The following TAFA1 variants were observed in gnomAD, a reference collection of about 807,000 sequenced individuals.
TAFA1 encodes chemokine-like protein TAFA-1.
In TAFA1, 4 loss-of-function variants were observed where a neutral mutation model predicts 18.5. The observed-to-expected ratio is 0.22, with a 90% CI of 0.11 to 0.49. The LOEUF (loss-of-function observed/expected upper bound fraction) is 0.49, where lower values mean the gene tolerates loss of function less well. Ranked by LOEUF, TAFA1 falls within the 20% of genes least tolerant of loss-of-function variation. TAFA1 has a pLI of 0.98. For missense variants in TAFA1, 147 were observed against 169.0 expected, an observed-to-expected ratio of 0.87 and a Z score of 0.72; for synonymous variants, 56 against 55.2, an observed-to-expected ratio of 1.01 and a Z score of -0.06.
intron 2 of TAFA1, among the ~76,000 whole-genome samples, chr3:68,076,183 T>C (rs2106760635): frequency 6.6e-6 from 1 of 152,212 alleles, no homozygotes; most frequent in East Asian, 1.9e-4. Flanking sequence ...ACTTGTGGTG[T>C]AGTGGTCTTT....
chr3:68,293,124 C>G (rs145521116), intron 2 of TAFA1, among the ~76,000 whole-genome samples: 1 of 152,146 alleles, frequency 6.6e-6, no homozygotes, highest in African/African-American at 2.4e-5. Flanking sequence ...CCTCTGTAAA[C>G]CAAAGGTGTC....
At chr3:68,085,253 C>A (rs1445126537) in intron 2 of TAFA1, among the ~76,000 whole-genome samples, 1 of 152,176 alleles carries the variant, frequency 6.6e-6, no homozygotes, top group Non-Finnish European at 1.5e-5. Context: ...TTAAAGAAAT[C>A]TGGAGACATT....
At chr3:68,248,757 G>T (rs1433798935) in intron 2 of TAFA1, among the ~76,000 whole-genome samples, 2 of 144,338 alleles carry the variant, frequency 1.4e-5, no homozygotes, top group African/African-American at 5.1e-5. Flanking sequence ...GGCTGGGGGT[G>T]GGGTAGGGAG....
At chr3:68,175,971 C>A (rs2066119722) in intron 2 of TAFA1, among the ~76,000 whole-genome samples, 1 of 152,152 alleles carries the variant, frequency 6.6e-6, no homozygotes, top group South Asian at 2.1e-4. Flanking sequence ...ATATGTCTCA[C>A]AAGACCTGGT....
chr3:68,058,436 T>C (rs2064561693), intron 2 of TAFA1, among the ~76,000 whole-genome samples: 1 of 152,176 alleles, frequency 6.6e-6, no homozygotes, highest in Non-Finnish European at 1.5e-5. Context: ...TTCTCACATA[T>C]GGGTGTTTAA....
At chr3:68,113,409 C>G (rs534930221) in intron 2 of TAFA1, among the ~76,000 whole-genome samples, 32 of 152,112 alleles carry the variant, frequency 2.1e-4, no homozygotes, top group African/African-American at 7.7e-4. Context: ...TTACAAAAAT[C>G]AAATCCAGGT....
At chr3:68,253,282 G>A (rs770972403) in intron 2 of TAFA1, among the ~76,000 whole-genome samples, 3 of 152,146 alleles carry the variant, frequency 2.0e-5, no homozygotes, top group Non-Finnish European at 4.4e-5. Flanking sequence ...AGGTAAGTTG[G>A]TATACTTGTC....
chr3:68,108,740 CAAAAT>C (rs1378653675), intron 2 of TAFA1, among the ~76,000 whole-genome samples: 1 of 151,908 alleles, frequency 6.6e-6, no homozygotes, highest in Non-Finnish European at 1.5e-5. Context: ...ATGTTCAAAA[CAAAAT>C]AGAATATGAT....
At chr3:68,168,905 C>A (rs2066017646) in intron 2 of TAFA1, among the ~76,000 whole-genome samples, 1 of 152,112 alleles carries the variant, frequency 6.6e-6, no homozygotes, top group African/African-American at 2.4e-5. Context: ...AGTATATTGT[C>A]TTTCTTTCAT....
At position 68,450,634 on chromosome 3, in the gene TAFA1, A is replaced by C. The variant is rs542487456; in HGVS notation, c.259+33214A>C. On this transcript the variant is annotated intron_variant, in intron 3 of 4. Transcript: ENST00000478136. ...GATGAAGGTGTTATGGAGACCAAGGAAGTAGATTTTTAAGAAGTATTAAAT... is the reference window on the plus strand; with the variant it reads ...GATGAAGGTGTTATGGAGACCAAGGCAGTAGATTTTTAAGAAGTATTAAAT... Among the ~76,000 whole-genome samples, 9 of 152,334 alleles carry C rather than the reference A, an allele frequency of 5.9e-5. No individual in the cohort carries two copies. The South Asian group carries it at 1.7e-3, about 28-fold the overall frequency.
intron 2 of TAFA1, among the ~76,000 whole-genome samples, chr3:68,112,456 A>G (rs1184277796): frequency 6.6e-6 from 1 of 152,224 alleles, no homozygotes; most frequent in Non-Finnish European, 1.5e-5. Context: ...AAAAGTTCTT[A>G]CTAATCAACA....
At chr3:68,159,377 G>A (rs1417522338) in intron 2 of TAFA1, among the ~76,000 whole-genome samples, 5 of 152,054 alleles carry the variant, frequency 3.3e-5, no homozygotes, top group South Asian at 2.1e-4. Flanking sequence ...ATAGTTCTTC[G>A]TGGTATTAAC....
intron 2 of TAFA1, among the ~76,000 whole-genome samples, chr3:68,294,458 A>T (rs748983036): frequency 1.8e-4 from 28 of 152,350 alleles, no homozygotes; most frequent in Non-Finnish European, 3.4e-4. Context: ...CTTTCAGTGT[A>T]TCTATATTCT....
chr3:68,145,128 C>T (rs1266195400), intron 2 of TAFA1: 2 of 943,388 alleles, frequency 2.1e-6, no homozygotes, highest in African/African-American at 3.2e-5. Flanking sequence ...CAGCGTCTAG[C>T]TTTATGTTTG....
chr3:68,256,162 A>G (rs1237648045), intron 2 of TAFA1, among the ~76,000 whole-genome samples: 2 of 152,152 alleles, frequency 1.3e-5, no homozygotes, highest in Admixed American at 1.3e-4. Context: ...TGTGAGTAGA[A>G]TAAAGGAATT....
intron 3 of TAFA1, among the ~76,000 whole-genome samples, chr3:68,493,286 C>G (rs2072486924): frequency 6.6e-6 from 1 of 152,140 alleles, no homozygotes. Context: ...GCATAAAGTC[C>G]TCAAGGTATA....
chr3:68,326,501 T>C (rs1419531069), intron 2 of TAFA1, among the ~76,000 whole-genome samples: 1 of 152,192 alleles, frequency 6.6e-6, no homozygotes, highest in African/African-American at 2.4e-5. Flanking sequence ...TTGGAACATG[T>C]TGACCTGAGA....
upstream of TAFA1, among the ~76,000 whole-genome samples, chr3:68,000,969 C>T (rs1180885050): frequency 6.6e-6 from 1 of 152,050 alleles, no homozygotes; most frequent in Non-Finnish European, 1.5e-5. Flanking sequence ...ATTAAATCAG[C>T]TATGGATTTG....
intron 2 of TAFA1, among the ~76,000 whole-genome samples, chr3:68,081,211 C>T (rs1248471654): frequency 1.3e-5 from 2 of 152,114 alleles, no homozygotes; most frequent in African/African-American, 2.4e-5. Context: ...GTTATACATT[C>T]TTCTAAATTT....
Sources: gnomAD v4.1 joint callset for allele counts (sites outside exome capture counted in the v4.1 genomes callset) on GRCh38, gnomAD v4.1.1 for gene constraint, MANE v1.5 for transcripts, NCBI Gene and HGNC (gene_info 2026-07-23, HGNC 2026-07-21) for gene names.